The following WHRN variants were observed in gnomAD, a reference collection of about 807,000 sequenced individuals.
The protein encoded by WHRN is CASK-interacting protein CIP98.
A neutral mutation model predicts 68.3 loss-of-function variants in WHRN; 41 were observed. The observed-to-expected ratio is 0.60, with a 90% CI of 0.47 to 0.78. The LOEUF (loss-of-function observed/expected upper bound fraction) is 0.78. Among genes scored for constraint, WHRN ranks in the 30% least tolerant of loss-of-function variants. The pLI, the probability that WHRN is intolerant of heterozygous loss-of-function variation, is 0.00. For missense variants in WHRN, 1,243 were observed against 1,244.7 expected (o/e 1.00, Z 0.02); for synonymous variants, 560 against 561.3 (o/e 1.00, Z 0.03).
intron 1 of WHRN, among the ~76,000 whole-genome samples, 154 bp from the exon 2 acceptor site, chr9:114,478,925 T>G (rs1330246806): frequency 6.6e-6 from 1 of 152,230 alleles, no homozygotes. Flanking sequence ...CCCTCGATTT[T>G]GTCCTGTGAA....
intron 1 of WHRN, among the ~76,000 whole-genome samples, chr9:114,494,931 G>T (rs1019008064): frequency 7.5e-5 from 11 of 146,126 alleles, no homozygotes; most frequent in Non-Finnish European, 1.0e-4. Flanking sequence ...TGACACTGGG[G>T]GGGGGAGCGG....
intron 1 of WHRN, among the ~76,000 whole-genome samples, chr9:114,483,594 A>G (rs1446013062): frequency 6.6e-6 from 1 of 152,170 alleles, no homozygotes; most frequent in African/African-American, 2.4e-5. Flanking sequence ...CGTGCACCAG[A>G]CCACTCATTT....
intron 3 of WHRN, among the ~76,000 whole-genome samples, chr9:114,463,523 G>A (rs977115092): frequency 1.3e-5 from 2 of 152,184 alleles, no homozygotes; most frequent in Non-Finnish European, 2.9e-5. Context: ...CATGAGTGGA[G>A]AAACTGTGAA....
chr9:114,482,216 G>A (rs937063067), intron 1 of WHRN, among the ~76,000 whole-genome samples: 13 of 152,144 alleles, frequency 8.5e-5, no homozygotes, highest in Non-Finnish European at 1.6e-4. Flanking sequence ...AGAATCATCC[G>A]GCACACAGTA....
At chr9:114,423,933 TCAAA>T (rs1279311156) in intron 6 of WHRN, among the ~76,000 whole-genome samples, 1 of 152,176 alleles carries the variant, frequency 6.6e-6, no homozygotes, top group Admixed American at 6.5e-5. Context: ...TTTCTGGACC[TCAAA>T]CAGTTTGGAG....
intron 7 of WHRN, among the ~76,000 whole-genome samples, chr9:114,421,633 T>C (rs1433696356): frequency 6.6e-6 from 1 of 152,240 alleles, no homozygotes; most frequent in East Asian, 1.9e-4. Context: ...TCATGGCTGC[T>C]GAGGCCTGAA....
intron 7 of WHRN, among the ~76,000 whole-genome samples, chr9:114,410,227 C>T (rs1166514191): frequency 6.6e-6 from 1 of 152,240 alleles, no homozygotes; most frequent in Non-Finnish European, 1.5e-5. Context: ...CACCATCTGA[C>T]TTTATACTCT....
At chr9:114,456,331 C>T (rs10759705) in intron 3 of WHRN, among the ~76,000 whole-genome samples, 113,141 of 151,894 alleles carry the variant, frequency 0.74, 42,334 homozygotes, top group East Asian at 0.96. Flanking sequence ...GGGAGGAAGA[C>T]AGAATGCAGA....
rs989032422 is a variant in WHRN, at chr9:114,504,715, G to C, written c.87C>G (p.Gly29=). ...TGGCAGACAGTAACCGCAGCCCCGCGCCCCCGCCGCCGCCCGCCCCGGCCG... is the reference window on the plus strand; with the variant it reads ...TGGCAGACAGTAACCGCAGCCCCGCCCCCCCGCCGCCGCCCGCCCCGGCCG... ...GSAAGAGGGG[G]AGLRLLSANV... The change falls in exon 1 of 12, where the codon GGC becomes GGG. Residue 29 remains glycine (G), a synonymous_variant. Transcript: ENST00000362057. 8 of 1,514,002 alleles carry C rather than the reference G, an allele frequency of 5.3e-6. No individual in the cohort carries two copies. Among genetic ancestry groups the C allele is most frequent in the Non-Finnish European group, 7.0e-6 (8 of 1,140,544 alleles). 93.8% of individuals were successfully genotyped at this position (1,514,002 alleles called of 1,614,324 possible). A position where few individuals can be genotyped will look rare whatever the true frequency, so the allele number is the denominator to read the frequency against.
chr9:114,481,068 C>T (rs889260064), intron 1 of WHRN, among the ~76,000 whole-genome samples: 6 of 152,264 alleles, frequency 3.9e-5, no homozygotes, highest in Admixed American at 1.3e-4. Context: ...TAGCTCTCTG[C>T]GTCCCCCAAG....
At chr9:114,411,334 G>C (rs1835422125) in intron 7 of WHRN, among the ~76,000 whole-genome samples, 1 of 152,168 alleles carries the variant, frequency 6.6e-6, no homozygotes, top group Non-Finnish European at 1.5e-5. Context: ...CATAGTCCTG[G>C]TGTCAGCAGG....
At chr9:114,456,372 C>T (rs1839797958) in intron 3 of WHRN, among the ~76,000 whole-genome samples, 2 of 149,214 alleles carry the variant, frequency 1.3e-5, no homozygotes, top group South Asian at 4.3e-4. Context: ...AGAACTCTTA[C>T]AAATGATTTC....
Position 114,504,425 on chromosome 9 carries a change from G to T in WHRN, c.377C>A (p.Ala126Asp). 10 of 1,606,484 alleles carry T rather than the reference G, an allele frequency of 6.2e-6. No homozygotes were observed. The highest frequency in any genetic ancestry group is 8.5e-6 in the Non-Finnish European group (10 of 1,179,408). The change falls in exon 1 of 12, where the codon GCC becomes GAC. Residue 126 changes from alanine (A) to aspartate (D), a missense_variant. By Grantham distance (126) the Ala-to-Asp change is moderately radical. Coordinates refer to ENST00000362057, the MANE Select transcript of WHRN (RefSeq NM_015404.4). ...CCCCGCGCTGTCGGGGCCGCCCCAGGCGGGCTGCCTGTAGGGGGTGGTGGC... is the reference window on the plus strand; with the variant it reads ...CCCCGCGCTGTCGGGGCCGCCCCAGTCGGGCTGCCTGTAGGGGGTGGTGGC... ...LPATTPYRQP[A>D]WGGPDSAGPG...
chr9:114,461,907 G>A (rs1440343289), intron 3 of WHRN, among the ~76,000 whole-genome samples: 1 of 152,192 alleles, frequency 6.6e-6, no homozygotes, highest in Non-Finnish European at 1.5e-5. Flanking sequence ...GGAGGTCAGA[G>A]ACTGTGTCTG....
intron 2 of WHRN, among the ~76,000 whole-genome samples, chr9:114,473,922 C>T (rs60924228): frequency 0.028 from 4,210 of 152,190 alleles, 182 homozygotes; most frequent in African/African-American, 0.096. Context: ...GAAGGGAAGG[C>T]GCCTGCCTCA....
intron 2 of WHRN, 138 bp downstream of exon 2, chr9:114,478,415 T>A (rs1357936229): frequency 1.1e-6 from 1 of 931,090 alleles, no homozygotes; most frequent in Non-Finnish European, 1.8e-6. Flanking sequence ...AACACCACCC[T>A]TCAGTACAGA....
chr9:114,424,961 G>C (rs760489936), intron 5 of WHRN, 27 bp downstream of exon 5: 1 of 1,612,820 alleles, frequency 6.2e-7, no homozygotes, highest in Admixed American at 1.7e-5. Context: ...TGAGGAAGCA[G>C]AGAATACCCC....
chr9:114,406,268 C>A (rs1449648094), intron 9 of WHRN, 87 bp downstream of exon 9: 2 of 1,576,778 alleles, frequency 1.3e-6, no homozygotes, highest in East Asian at 2.2e-5. Flanking sequence ...AGTAGCTGGT[C>A]CCCCCCTTCA....
chr9:114,483,281 C>T (rs1016259154), intron 1 of WHRN, among the ~76,000 whole-genome samples: 1 of 152,152 alleles, frequency 6.6e-6, no homozygotes, highest in Non-Finnish European at 1.5e-5. Context: ...CAGTGGCCAT[C>T]AGAATCCTGC....
Sources: allele counts gnomAD v4.1 joint callset (sites outside exome capture counted in the v4.1 genomes callset), GRCh38; gene constraint gnomAD v4.1.1; transcripts MANE v1.5; gene names NCBI Gene and HGNC (gene_info 2026-07-23, HGNC 2026-07-21).